MYRIP: variants seen among roughly 807,000 people sequenced by gnomAD.
MYRIP encodes myosin VIIA and Rab interacting protein.
MYRIP carries 49 observed loss-of-function variants against 98.0 expected under a neutral mutation model. That is an observed-to-expected ratio of 0.50 (90% CI 0.40 to 0.63). The LOEUF (loss-of-function observed/expected upper bound fraction) is 0.63. Ranked by LOEUF, MYRIP falls within the 30% of genes least tolerant of loss-of-function variation. The probability of loss-of-function intolerance (pLI) is 0.00; values close to 1 mark genes in which losing one functional copy is unlikely to be tolerated. For missense variants in MYRIP, 1,004 were observed against 1,058.2 expected, an observed-to-expected ratio of 0.95 and a Z score of 0.71; for synonymous variants, 404 against 409.5, an observed-to-expected ratio of 0.99 and a Z score of 0.16.
intron 11 of MYRIP, 73 bp downstream of exon 11, chr3:40,210,166 G>A: frequency 6.5e-7 from 1 of 1,527,174 alleles, no homozygotes; most frequent in Non-Finnish European, 8.8e-7. Flanking sequence ...TCCTATATTG[G>A]TGCAGAAAGC....
chr3:40,116,491 C>T (rs369324254), intron 3 of MYRIP, among the ~76,000 whole-genome samples: 1 of 152,202 alleles, frequency 6.6e-6, no homozygotes, highest in African/African-American at 2.4e-5. Context: ...TCCCTTGTCC[C>T]TGAGAGTAGA....
intron 1 of MYRIP, among the ~76,000 whole-genome samples, chr3:39,838,966 A>AT (rs202075949): frequency 7.9e-5 from 12 of 151,470 alleles, no homozygotes; most frequent in Non-Finnish European, 1.0e-4. Context: ...GAATTTATCC[A>AT]TTTTTTTTCT....
At chr3:39,943,428 G>A in intron 2 of MYRIP, among the ~76,000 whole-genome samples, 1 of 152,132 alleles carries the variant, frequency 6.6e-6, no homozygotes, top group Non-Finnish European at 1.5e-5. Context: ...AAGTGGAAGT[G>A]AACATCCCTG....
chr3:39,926,107 T>C (rs1944417379), intron 2 of MYRIP, among the ~76,000 whole-genome samples: 1 of 152,282 alleles, frequency 6.6e-6, no homozygotes, highest in East Asian at 1.9e-4. Flanking sequence ...TTTTTTTATA[T>C]GCTTGTTGGT....
chr3:40,168,548 A>G (rs1450876370), intron 7 of MYRIP, among the ~76,000 whole-genome samples: 2 of 152,222 alleles, frequency 1.3e-5, no homozygotes, highest in Admixed American at 1.3e-4. Context: ...GACTATCTGT[A>G]TATATGTTTT....
chr3:39,902,283 T>C (rs956099703), intron 2 of MYRIP, among the ~76,000 whole-genome samples: 13 of 152,142 alleles, frequency 8.5e-5, no homozygotes, highest in African/African-American at 2.7e-4. Context: ...GAGGTCCAAG[T>C]TGGAAATTAA....
At chr3:40,163,221 A>G (rs2125590671) in intron 5 of MYRIP, among the ~76,000 whole-genome samples, 1 of 152,338 alleles carries the variant, frequency 6.6e-6, no homozygotes, top group South Asian at 2.1e-4. Flanking sequence ...AAGCAAAACA[A>G]ACTTCTAATT....
Position 40,193,303 on chromosome 3 carries a change from GT to G in MYRIP, c.1665+2841del, listed in dbSNP as rs1353103599. 3.3e-5 allele frequency among the ~76,000 whole-genome samples: 5 copies of G among 152,246 alleles called. No homozygotes were observed. In the East Asian group the frequency reaches 7.7e-4, roughly 24 times the overall value. ...ACAATAATAGATCCAACAAAAGTCA[GT>G]CTTATTTTCACCTTGCACCATGTCC... On this transcript the variant is annotated intron_variant, in intron 10 of 16. Transcript: ENST00000302541.
chr3:40,175,168 T>C (rs1352929364), intron 8 of MYRIP, among the ~76,000 whole-genome samples: 1 of 152,040 alleles, frequency 6.6e-6, no homozygotes, highest in Non-Finnish European at 1.5e-5. Flanking sequence ...TAAATGTTAT[T>C]GGGATGGAGA....
chr3:40,255,501 C>A (rs1411345592), intron 16 of MYRIP, among the ~76,000 whole-genome samples: 1 of 152,000 alleles, frequency 6.6e-6, no homozygotes, highest in Non-Finnish European at 1.5e-5. Context: ...TAAAGTAACA[C>A]AGAAAGGTTA....
Position 39,974,272 on chromosome 3 carries a change from C to G in MYRIP, c.111-69778C>G, listed in dbSNP as rs547458295. ...CTACCATCAGAGAATACTATAAACA[C>G]CTCTATGCAAATAAACTAGAAAATC... On this transcript the variant is annotated intron_variant, in intron 2 of 16. Coordinates refer to ENST00000302541, the MANE Select transcript of MYRIP (RefSeq NM_015460.4). 2.6e-5 allele frequency among the ~76,000 whole-genome samples: 4 copies of G among 152,090 alleles called. No individual in the cohort carries two copies. The East Asian group carries it at 7.7e-4, about 29-fold the overall frequency.
rs573544991 is a variant in MYRIP, at chr3:40,070,596, G to A, written c.332+26325G>A. Among the ~76,000 whole-genome samples the A allele has an allele frequency of 7.9e-5, 12 of 152,210 alleles. 1 individual carries two copies. Among genetic ancestry groups the A allele is most frequent in the African/African-American group, 1.4e-4 (6 of 41,552 alleles). ...CCAGCCTGGTTCCTAACAAATCAGCGATGGCATTAGATTCTCATAGGAGCA... is the reference window on the plus strand; with the variant it reads ...CCAGCCTGGTTCCTAACAAATCAGCAATGGCATTAGATTCTCATAGGAGCA... On this transcript the variant is annotated intron_variant, in intron 3 of 16. Transcript: ENST00000302541.
At chr3:40,040,994 G>GAAAATATTACCAGCAGAAAAAAAAAA (rs1947506214) in intron 2 of MYRIP, among the ~76,000 whole-genome samples, 2 of 8,248 alleles carry the variant, frequency 2.4e-4, no homozygotes, top group East Asian at 3.6e-3. Context: ...AAAAAAAAAA[G>GAAAATATTACCAGCAGAAAAAAAAAA]AAAAAAAAAA....
At chr3:40,141,118 T>C (rs981955539) in intron 3 of MYRIP, among the ~76,000 whole-genome samples, 1 of 152,148 alleles carries the variant, frequency 6.6e-6, no homozygotes, top group Non-Finnish European at 1.5e-5. Flanking sequence ...CTCCATGAAT[T>C]CAACTGTTTT....
At chr3:39,978,153 T>C (rs1306331192) in intron 2 of MYRIP, among the ~76,000 whole-genome samples, 1 of 152,208 alleles carries the variant, frequency 6.6e-6, no homozygotes, top group Non-Finnish European at 1.5e-5. Flanking sequence ...TGAGGGCTAG[T>C]CTTAACTGAT....
chr3:39,878,202 C>T (rs149667704), intron 1 of MYRIP, among the ~76,000 whole-genome samples: 10 of 152,284 alleles, frequency 6.6e-5, no homozygotes, highest in African/African-American at 1.7e-4. Flanking sequence ...GTCGGAGAAG[C>T]GCAGTATTAG....
chr3:40,131,083 T>A (rs1416521552), intron 3 of MYRIP, among the ~76,000 whole-genome samples: 2 of 152,152 alleles, frequency 1.3e-5, no homozygotes, highest in Non-Finnish European at 2.9e-5. Context: ...CTAGAAGTTA[T>A]TTATGAGAAT....
At position 39,831,897 on chromosome 3, in the gene MYRIP, G is replaced by C. The variant is rs567201479; in HGVS notation, c.-31+21981G>C. On this transcript the variant is annotated intron_variant, in intron 1 of 16. Coordinates refer to ENST00000302541, the MANE Select transcript of MYRIP (RefSeq NM_015460.4). Reference sequence around the variant, plus strand: ...TTGTGGGATGGTTTATAAGTTTCTGGGTTTCTCATGTATGTAAAGAAAAGA... The same window carrying C: ...TTGTGGGATGGTTTATAAGTTTCTGCGTTTCTCATGTATGTAAAGAAAAGA... 1.4e-3 allele frequency among the ~76,000 whole-genome samples: 208 copies of C among 152,202 alleles called. 5 individuals carry two copies. The South Asian group carries it at 0.042, about 31-fold the overall frequency.
chr3:39,885,999 T>G (rs1224787160), intron 1 of MYRIP, among the ~76,000 whole-genome samples: 1 of 152,134 alleles, frequency 6.6e-6, no homozygotes. Flanking sequence ...TCTCAGCTCA[T>G]CAAAGTCATT....
Sources: allele counts gnomAD v4.1 joint callset (sites outside exome capture counted in the v4.1 genomes callset), GRCh38; gene constraint gnomAD v4.1.1; transcripts MANE v1.5; gene names NCBI Gene and HGNC (gene_info 2026-07-23, HGNC 2026-07-21).